Variants in SPDYE5 observed in about 807,000 individuals in gnomAD.
SPDYE5 encodes the protein speedy/RINGO cell cycle regulator family member E5, also known as speedy protein E5.
Under a neutral mutation model 48.5 loss-of-function variants are expected in SPDYE5, and 15 were observed. That is an observed-to-expected ratio of 0.31 (90% CI 0.21 to 0.48). The LOEUF (loss-of-function observed/expected upper bound fraction) is 0.48. SPDYE5 is among the 20% of genes least tolerant of loss of function. The probability of loss-of-function intolerance (pLI) is 0.99; values close to 1 mark genes in which losing one functional copy is unlikely to be tolerated. For missense variants in SPDYE5, 331 were observed against 549.1 expected, an observed-to-expected ratio of 0.60 and a Z score of 3.97; for synonymous variants, 116 against 200.7, an observed-to-expected ratio of 0.58 and a Z score of 3.57.
upstream of SPDYE5, among the ~76,000 whole-genome samples, chr7:75,492,239 T>G (rs1792759921): frequency 6.6e-6 from 1 of 152,190 alleles, no homozygotes; most frequent in South Asian, 2.1e-4. Flanking sequence ...CAAACGATTT[T>G]GTTGTAGAAG....
intron 8 of SPDYE5, 30 bp from the exon 9 acceptor site, chr7:75,502,803 G>C (rs201757738): frequency 0.025 from 24,993 of 1,000,798 alleles, 380 homozygotes; most frequent in Middle Eastern, 0.079. Context: ...CTGCCTCCTT[G>C]AAGTGTGACA....
chr7:75,502,472 A>C (rs1447120447), intron 8 of SPDYE5, among the ~76,000 whole-genome samples: 1 of 152,182 alleles, frequency 6.6e-6, no homozygotes, highest in Non-Finnish European at 1.5e-5. Flanking sequence ...CATTAGAAAC[A>C]CATCTAGCAT....
At position 75,493,661 on chromosome 7, in the gene SPDYE5, G is replaced by C. The variant is rs1584734820; in HGVS notation, c.-387G>C. On this transcript the variant is annotated 5_prime_UTR_variant, in exon 2 of 9. Transcript: ENST00000625065. The stretch of plus-strand genomic sequence containing the variant: ...TGAAATGGGCATGTACAGAGACAAA[G>C]AGACCCCAACATGCTTCAGGCTTTG... 3 of 1,347,670 alleles carry C rather than the reference G, an allele frequency of 2.2e-6. No homozygotes were observed. The highest frequency in any genetic ancestry group is 2.8e-5 in the East Asian group (1 of 36,352). 83.5% of individuals were successfully genotyped at this position (1,347,670 alleles called of 1,614,324 possible). A position where few individuals can be genotyped will look rare whatever the true frequency, so the allele number is the denominator to read the frequency against.
intron 1 of SPDYE5, among the ~76,000 whole-genome samples, chr7:75,493,273 A>G (rs1554481980): frequency 1.3e-5 from 2 of 151,714 alleles, no homozygotes; most frequent in Non-Finnish European, 1.5e-5. Context: ...GGATTCCCTG[A>G]AATTGGGGAC....
upstream of SPDYE5, among the ~76,000 whole-genome samples, chr7:75,491,702 A>ATTT (rs782071463): frequency 1.8e-4 from 13 of 70,936 alleles, no homozygotes; most frequent in Non-Finnish European, 2.3e-4. Flanking sequence ...CTGTTTAGCC[A>ATTT]TTTTTTTTTT....
At position 75,496,015 on chromosome 7, in the gene SPDYE5, C is replaced by CAAA. The variant is rs58917345; in HGVS notation, c.380-642_380-640dup. 3.3e-4 allele frequency among the ~76,000 whole-genome samples: 22 copies of CAAA among 65,806 alleles called. 1 individual carries two copies. Among genetic ancestry groups the CAAA allele is most frequent in the African/African-American group, 1.0e-3 (18 of 17,464 alleles). The allele number at this position is 65,806 out of a possible 152,430, so 43.2% of individuals were successfully genotyped here. ...ACTGCATTTTTTTGAGACGCTGTGT[C>CAAA]AAAAAAAAAAAAAAAAAAAGAAGGA... is the stretch of plus-strand genomic sequence containing the variant. On this transcript the variant is annotated intron_variant, in intron 3 of 8. Transcript: ENST00000625065.
intron 6 of SPDYE5, among the ~76,000 whole-genome samples, chr7:75,500,522 A>C (rs1165356888): frequency 1.3e-5 from 2 of 151,216 alleles, no homozygotes; most frequent in Admixed American, 6.6e-5. Context: ...TCCTGGCAAA[A>C]TATCAATGTA....
rs782754288 is a variant in SPDYE5, at chr7:75,501,399, T to C, written c.793T>C (p.Ser265Pro). 1.9e-6 allele frequency: 3 copies of C among 1,612,514 alleles called. No homozygotes were observed. Among genetic ancestry groups the C allele is most frequent in the East Asian group, 2.2e-5 (1 of 44,856 alleles). The change falls in exon 7 of 9, where the codon TCC becomes CCC. Residue 265 changes from serine to proline, a missense_variant. Ser to Pro is a moderately conservative substitution (Grantham distance 74, BLOSUM62 -1). Around this residue, in one of 8 missense-constraint regions of SPDYE5, gnomAD observed 70 missense variants for 87.6 expected, o/e 0.80. Coordinates refer to ENST00000625065, the MANE Select transcript of SPDYE5 (RefSeq NM_001306141.4). ...TGACATGGAGGAGGACGACGAGGACTCCAAACAAAACATCTTCCACTTCCT... is the reference window on the plus strand; with the variant it reads ...TGACATGGAGGAGGACGACGAGGACCCCAAACAAAACATCTTCCACTTCCT... ...ANDMEEDDEDSKQNIFHFLYG... is the reference protein window; with the variant it reads ...ANDMEEDDEDPKQNIFHFLYG...
rs1469866632 is a variant in SPDYE5, at chr7:75,503,010, A to T, written c.*223A>T. On this transcript the variant is annotated 3_prime_UTR_variant, in exon 9 of 9. Coordinates refer to ENST00000625065, the MANE Select transcript of SPDYE5 (RefSeq NM_001306141.4). ...TCCTCCTAGGAGCAGGGGTGGGGGG[A>T]GGGGGGTGGGGTCCTTCTAGGAGTC... The T allele has an allele frequency of 5.8e-5, 20 of 345,074 alleles. No individual in the cohort carries two copies. The highest frequency in any genetic ancestry group is 1.1e-4 in the Non-Finnish European group (19 of 179,188). The allele number at this position is 345,074 out of a possible 1,614,324, so 21.4% of individuals were successfully genotyped here. A position where few individuals can be genotyped will look rare whatever the true frequency, so the allele number is the denominator to read the frequency against.
rs1402510052 is a variant in SPDYE5 at position 75,493,609 on chromosome 7, T to G, written c.-421-18T>G. On this transcript the variant is annotated intron_variant, in intron 1 of 8. Coordinates refer to ENST00000625065, the MANE Select transcript of SPDYE5 (RefSeq NM_001306141.4). ...CTTACCCTAGTTTTCTTTCCCACTCTGTTCCCTCTCCCACCAGACTGGACT... is the reference window on the plus strand; with the variant it reads ...CTTACCCTAGTTTTCTTTCCCACTCGGTTCCCTCTCCCACCAGACTGGACT... 3 of 1,254,176 alleles carry G rather than the reference T, an allele frequency of 2.4e-6. No individual in the cohort carries two copies. The African/African-American group carries it at 4.6e-5, about 19-fold the overall frequency. The allele number at this position is 1,254,176 out of a possible 1,614,324, so 77.7% of individuals were successfully genotyped here. A position where few individuals can be genotyped will look rare whatever the true frequency, so the allele number is the denominator to read the frequency against.
In SPDYE5 at chr7:75,496,715, T is replaced by G. The variant is rs1554482630; in HGVS notation, c.421T>G (p.Trp141Gly). 2.5e-6 allele frequency: 4 copies of G among 1,595,368 alleles called. No individual in the cohort carries two copies. Among genetic ancestry groups the G allele is most frequent in the Non-Finnish European group, 3.4e-6 (4 of 1,179,036 alleles). ...DPSPPHRSFC[W>G]KRKMEWWDES... is the part of the protein sequence containing the mutation. ...CAGCCCCCCGCATAGGTCCTTTTGC[T>G]GGAAAAGGAAGATGGAGTGGTGGGA... Residue 141 changes from tryptophan (W) to glycine (G), a missense_variant, in exon 4 of 9, where the codon TGG (tryptophan) becomes GGG (glycine). Transcript: ENST00000625065.
chr7:75,499,892 C>G (rs1310020485), intron 6 of SPDYE5, among the ~76,000 whole-genome samples: 1 of 137,832 alleles, frequency 7.3e-6, no homozygotes, highest in East Asian at 2.1e-4. Flanking sequence ...AGTGGAGGAG[C>G]GGACATGCCG....
At chr7:75,496,596 G>A (rs1345768458) in intron 3 of SPDYE5, 78 bp from the exon 4 acceptor site, 2 of 1,594,876 alleles carry the variant, frequency 1.3e-6, no homozygotes, top group Admixed American at 3.4e-5. Context: ...AGGATGGAGA[G>A]TGGTTTGGGG....
intron 5 of SPDYE5, among the ~76,000 whole-genome samples, 160 bp downstream of exon 5, chr7:75,498,156 GCT>G (rs1793008123): frequency 1.8e-5 from 2 of 113,350 alleles, no homozygotes; most frequent in African/African-American, 7.3e-5. Flanking sequence ...ACAGAATCTT[GCT>G]CTGTTGCCCA....
chr7:75,499,775 A>C (rs1348110067), intron 6 of SPDYE5, among the ~76,000 whole-genome samples: 4 of 142,160 alleles, frequency 2.8e-5, no homozygotes, highest in East Asian at 2.0e-4. Flanking sequence ...TCAAAAAAAA[A>C]AAAAAAAAAA....
rs1370047177 is a variant in SPDYE5, at chr7:75,492,383, CGA to C, written c.-475_-474del. Among the ~76,000 whole-genome samples, 1 of 152,004 alleles carries C rather than the reference CGA, an allele frequency of 6.6e-6. No individual in the cohort carries two copies. The highest frequency in any genetic ancestry group is 2.4e-5 in the African/African-American group (1 of 41,390). ...TTTCAGTGTGTGCCTTTTCTATGAG[CGA>C]GAGACTCCTAGGAAAGCAGCAGCCC... On this transcript the variant is annotated 5_prime_UTR_variant, in exon 1 of 9. It introduces an in-frame stop codon into an upstream open reading frame of the 5' UTR. Transcript: ENST00000625065.
Position 75,494,528 on chromosome 7 carries a change from A to G in SPDYE5, c.160+321A>G, listed in dbSNP as rs1554482184. Among the ~76,000 whole-genome samples the G allele has an allele frequency of 9.9e-3, 1,488 of 150,048 alleles. 7 individuals carry two copies. The highest frequency in any genetic ancestry group is 0.017 in the Middle Eastern group (5 of 292). ...CGCTACTGCACTCCAAAAAAAAAAA[A>G]AAAAGAAAAGAAAAGAAGGGTCAGC... On this transcript the variant is annotated intron_variant, in intron 2 of 8. Coordinates refer to ENST00000625065, the MANE Select transcript of SPDYE5 (RefSeq NM_001306141.4).
chr7:75,494,073 G>T lies in SPDYE5; in HGVS notation c.26G>T (p.Arg9Leu), dbSNP rs139672859. Reference sequence around the variant, plus strand: ...ATGGACAGAACGGAGACTAGGTTCCGTAAGAGGGGACAGATTACGGAAAAG... The same window carrying T: ...ATGGACAGAACGGAGACTAGGTTCCTTAAGAGGGGACAGATTACGGAAAAG... MDRTETRF[R>L]KRGQITEKIT... The change falls in exon 2 of 9, where the codon CGT becomes CTT. Residue 9 changes from arginine to leucine, a missense_variant. Arg to Leu is a moderately radical substitution (Grantham distance 102). Transcript: ENST00000625065. The T allele has an allele frequency of 5.2e-6, 8 of 1,533,870 alleles. No individual in the cohort carries two copies. The African/African-American group carries it at 8.3e-5, about 16-fold the overall frequency.
chr7:75,491,998 A>T (rs1554481813), upstream of SPDYE5, among the ~76,000 whole-genome samples: 1 of 151,928 alleles, frequency 6.6e-6, no homozygotes, highest in Non-Finnish European at 1.5e-5. Context: ...TACAGGCATG[A>T]GCCACCGCGC....
Sources: gnomAD v4.1 joint callset for allele counts (sites outside exome capture counted in the v4.1 genomes callset) on GRCh38, gnomAD v4.1.1 for gene constraint, gnomAD v4.1.1 regional missense constraint, MANE v1.5 for transcripts, NCBI Gene and HGNC (gene_info 2026-07-23, HGNC 2026-07-21) for gene names.